The following FUCA2 variants were observed in gnomAD, a reference collection of about 807,000 sequenced individuals.
The protein encoded by FUCA2 is alpha-L-fucosidase 2, also known as plasma alpha-L-fucosidase.
A neutral mutation model predicts 52.6 loss-of-function variants in FUCA2; 41 were observed. The ratio of observed to expected loss-of-function variants is 0.78; its 90% CI spans 0.61 to 1.01. The LOEUF (loss-of-function observed/expected upper bound fraction) is 1.01, where lower values mean the gene tolerates loss of function less well. FUCA2 is among the 50% of genes least tolerant of loss of function. FUCA2 has a pLI of 0.00. For synonymous variants in FUCA2, 211 were observed against 217.3 expected, an observed-to-expected ratio of 0.97 and a Z score of 0.26; for missense variants, 507 against 569.5, an observed-to-expected ratio of 0.89 and a Z score of 1.12.
At position 143,507,209 on chromosome 6, in the gene FUCA2, G is replaced by T. The variant is rs567531074; in HGVS notation, c.412+28C>A. The T allele has an allele frequency of 1.3e-6, 2 of 1,542,952 alleles. No homozygotes were observed. Among genetic ancestry groups the T allele is most frequent in the African/African-American group, 1.4e-5 (1 of 70,122 alleles). On this transcript the variant is annotated intron_variant, in intron 2 of 6. Coordinates refer to ENST00000002165, the MANE Select transcript of FUCA2 (RefSeq NM_032020.5). This position sits in a 1 kb window ranked among gnomAD's most constrained non-coding sequence, Gnocchi z 4.5. ...ACTTTTCATTTCTTAACCATTGTCAGCAATTTCCATAGGCTGGATTGACTT... is the reference window on the plus strand; with the variant it reads ...ACTTTTCATTTCTTAACCATTGTCATCAATTTCCATAGGCTGGATTGACTT...
In FUCA2 at chr6:143,500,398, A is replaced by G. The variant is rs1315298484; in HGVS notation, c.1154+1534T>C. Reference sequence around the variant, plus strand: ...CTGGAGCCGTGGAAGGGGTTCAGTTATTGGTAATGCAAAGTCTAAAGTATG... The same window carrying G: ...CTGGAGCCGTGGAAGGGGTTCAGTTGTTGGTAATGCAAAGTCTAAAGTATG... On this transcript the variant is annotated intron_variant, in intron 5 of 6. Transcript: ENST00000002165. This position sits in a 1 kb window ranked among gnomAD's most constrained non-coding sequence, Gnocchi z 6.9. Among the ~76,000 whole-genome samples the G allele has an allele frequency of 6.6e-6, 1 of 152,172 alleles. No homozygotes were observed. The highest frequency in any genetic ancestry group is 1.5e-5 in the Non-Finnish European group (1 of 68,040).
At chr6:143,498,209 TACTC>T (rs1465253982) in intron 5 of FUCA2, among the ~76,000 whole-genome samples, 2 of 152,196 alleles carry the variant, frequency 1.3e-5, no homozygotes, top group East Asian at 1.9e-4. Context: ...TTCATTCAAT[TACTC>T]AAGAAATACT....
Position 143,503,797 on chromosome 6 carries a change from TC to T in FUCA2, c.752+115del, listed in dbSNP as rs1013828555. 2 of 731,700 alleles carry T rather than the reference TC, an allele frequency of 2.7e-6. No homozygotes were observed. Among genetic ancestry groups the T allele is most frequent in the Admixed American group, 3.0e-5 (1 of 33,876 alleles). 45.3% of individuals were successfully genotyped at this position (731,700 alleles called of 1,614,324 possible). On this transcript the variant is annotated intron_variant, in intron 3 of 6. Coordinates refer to ENST00000002165, the MANE Select transcript of FUCA2 (RefSeq NM_032020.5). This position sits in a 1 kb window ranked among gnomAD's most constrained non-coding sequence, Gnocchi z 4.8. ...ATAAGTATTATTTACAATGATTTTC[TC>T]CCCCCATACCACCAATGACTTAAAA...
At chr6:143,508,013 T>C (rs143786582) in intron 1 of FUCA2, among the ~76,000 whole-genome samples, 2 of 152,344 alleles carry the variant, frequency 1.3e-5, no homozygotes, top group African/African-American at 4.8e-5. Flanking sequence ...ACATGTAGTA[T>C]ATGTCTTTAC....
rs3060493 is a variant in FUCA2, at chr6:143,506,192, G to GTTTTTTTTTTT, written c.412+1034_412+1044dup. Reference sequence around the variant, plus strand: ...AGAAAACAATAAGGCAAAGTTTCCCGTTTTTTTTTTTTTTTTTTTTTGAGA... The same window carrying GTTTTTTTTTTT: ...AGAAAACAATAAGGCAAAGTTTCCCGTTTTTTTTTTTTTTTTTTTTTTTTTTTTTTTTGAGA... On this transcript the variant is annotated intron_variant, in intron 2 of 6. Transcript: ENST00000002165. The GTTTTTTTTTTT allele has an allele frequency of 4.8e-5, 6 of 125,814 alleles. 2 individuals carry two copies. The highest frequency in any genetic ancestry group is 5.0e-5 in the Non-Finnish European group (3 of 59,766). 7.8% of individuals were successfully genotyped at this position (125,814 alleles called of 1,614,324 possible). A position where few individuals can be genotyped will look rare whatever the true frequency, so the allele number is the denominator to read the frequency against.
In FUCA2 at chr6:143,503,020, C is replaced by G. The variant is rs1039592032; in HGVS notation, c.753-455G>C. 2 of 155,140 alleles carry G rather than the reference C, an allele frequency of 1.3e-5. No individual in the cohort carries two copies. The highest frequency in any genetic ancestry group is 4.8e-5 in the African/African-American group (2 of 41,398). 9.6% of individuals were successfully genotyped at this position (155,140 alleles called of 1,614,324 possible). Reference sequence around the variant, plus strand: ...CTTTCTTTTTCTCTTACCATTGTGCCTAATATTGAAAAATCTCAGAAAATT... The same window carrying G: ...CTTTCTTTTTCTCTTACCATTGTGCGTAATATTGAAAAATCTCAGAAAATT... On this transcript the variant is annotated intron_variant, in intron 3 of 6. Coordinates refer to ENST00000002165, the MANE Select transcript of FUCA2 (RefSeq NM_032020.5). The surrounding 1 kb of genome is among the most constrained non-coding windows in gnomAD (Gnocchi z 4.8).
rs1780664950 is a variant in FUCA2 at position 143,510,376 on chromosome 6, C to T, written c.224+1035G>A. Among the ~76,000 whole-genome samples, 1 of 151,986 alleles carries T rather than the reference C, an allele frequency of 6.6e-6. No individual in the cohort carries two copies. Among genetic ancestry groups the T allele is most frequent in the South Asian group, 2.1e-4 (1 of 4,822 alleles). The stretch of plus-strand genomic sequence containing the variant: ...TTTTACTTAAGAATATATTATGTGT[C>T]CCAAAGTCCTGGAATTACAGGTATG... On this transcript the variant is annotated intron_variant, in intron 1 of 6. Transcript: ENST00000002165. This position sits in a 1 kb window ranked among gnomAD's most constrained non-coding sequence, Gnocchi z 4.4.
chr6:143,501,946 G>A lies in FUCA2; in HGVS notation c.1140C>T (p.Val380=), dbSNP rs895701111. The part of the protein sequence containing the change: ...THTWRSQNDT[V]TPDVWYTSKP... Reference sequence around the variant, plus strand: ...GAATGACTTACCACACATCTGGGGTGACAGTGTCATTCTGGGATCGCCAGG... The same window carrying A: ...GAATGACTTACCACACATCTGGGGTAACAGTGTCATTCTGGGATCGCCAGG... The change falls in exon 5 of 7, where the codon GTC becomes GTT. Residue 380 remains valine, a synonymous_variant. Transcript: ENST00000002165. The surrounding 1 kb of genome is among the most constrained non-coding windows in gnomAD (Gnocchi z 6.1). 2 of 1,613,438 alleles carry A rather than the reference G, an allele frequency of 1.2e-6. No homozygotes were observed. The highest frequency in any genetic ancestry group is 1.7e-6 in the Non-Finnish European group (2 of 1,179,612).
In FUCA2 at chr6:143,503,969, T is replaced by C. The variant is rs760780192; in HGVS notation, c.696A>G (p.Gly232=). Residue 232 remains glycine, a synonymous_variant, in exon 3 of 7, where the codon GGA becomes GGG. Transcript: ENST00000002165. This position sits in a 1 kb window ranked among gnomAD's most constrained non-coding sequence, Gnocchi z 4.8. The part of the protein sequence containing the change: ...PEVLWSDGDG[G]APDQYWNSTG... The stretch of plus-strand genomic sequence containing the variant: ...TGCTGTTCCAGTATTGATCCGGTGC[T>C]CCTCCGTCACCATCCGACCACAGAA... The C allele has an allele frequency of 6.2e-7, 1 of 1,614,180 alleles. No individual in the cohort carries two copies. Among genetic ancestry groups the C allele is most frequent in the Non-Finnish European group, 8.5e-7 (1 of 1,180,032 alleles).
chr6:143,504,071 T>G lies in FUCA2; in HGVS notation c.594A>C (p.Ser198=). The G allele has an allele frequency of 5.0e-6, 8 of 1,614,212 alleles. No homozygotes were observed. Among genetic ancestry groups the G allele is most frequent in the Non-Finnish European group, 6.8e-6 (8 of 1,180,034 alleles). Residue 198 remains serine, a synonymous_variant, in exon 3 of 7, where the codon TCA becomes TCC. Coordinates refer to ENST00000002165, the MANE Select transcript of FUCA2 (RefSeq NM_032020.5). The surrounding 1 kb of genome is among the most constrained non-coding windows in gnomAD (Gnocchi z 4.4). ...HPLFLEDESS[S]FHKRQFPVSK... is the part of the protein sequence containing the mutation. ...AAACTGGAAATTGCCGCTTATGGAA[T>G]GAACTGGATTCATCCTCAAGGAAGA...
intron 6 of FUCA2, chr6:143,496,786 G>A (rs1780465911): frequency 6.6e-6 from 1 of 152,124 alleles, no homozygotes; most frequent in South Asian, 2.1e-4. Context: ...CCGAATTCTA[G>A]TTTTATGAGA....
chr6:143,507,312 T>TA lies in FUCA2; in HGVS notation c.336dup (p.Asn113Ter). On this transcript the variant is annotated frameshift_variant, in exon 2 of 7. Transcript: ENST00000002165. LOFTEE classifies it high-confidence loss of function. This position sits in a 1 kb window ranked among gnomAD's most constrained non-coding sequence, Gnocchi z 4.5. ...AAAATATCTGCCCACTGGTTGGCAT[T>TA]AAAAAATTTTGCTGTAAATAGTGGT... 6.2e-7 allele frequency: 1 copy of TA among 1,609,492 alleles called. No individual in the cohort carries two copies. The highest frequency in any genetic ancestry group is 2.2e-5 in the East Asian group (1 of 44,582).
chr6:143,511,655 T>C lies in FUCA2; in HGVS notation c.-21A>G. 1 of 1,483,340 alleles carries C rather than the reference T, an allele frequency of 6.7e-7. No individual in the cohort carries two copies. Among genetic ancestry groups the C allele is most frequent in the Non-Finnish European group, 8.9e-7 (1 of 1,117,524 alleles). The allele number at this position is 1,483,340 out of a possible 1,614,324, so 91.9% of individuals were successfully genotyped here. On this transcript the variant is annotated 5_prime_UTR_variant, in exon 1 of 7. Coordinates refer to ENST00000002165, the MANE Select transcript of FUCA2 (RefSeq NM_032020.5). This position sits in a 1 kb window ranked among gnomAD's most constrained non-coding sequence, Gnocchi z 6.3. The stretch of plus-strand genomic sequence containing the variant: ...CGCATGTCCCGGCGCAGGCCGGCTG[T>C]CCTCTCTGCAGGCTCCCGCGGCCTC...
In FUCA2 at chr6:143,510,727, A is replaced by G. The variant is rs981527979; in HGVS notation, c.224+684T>C. Among the ~76,000 whole-genome samples the G allele has an allele frequency of 8.5e-5, 13 of 152,136 alleles. No individual in the cohort carries two copies. The highest frequency in any genetic ancestry group is 1.6e-4 in the Non-Finnish European group (11 of 68,030). ...TTTTGAAGGACTTAATACTTGTAGC[A>G]TTTAGTCAGAAAAGACATGTGCAAC... On this transcript the variant is annotated intron_variant, in intron 1 of 6. Coordinates refer to ENST00000002165, the MANE Select transcript of FUCA2 (RefSeq NM_032020.5). The surrounding 1 kb of genome is among the most constrained non-coding windows in gnomAD (Gnocchi z 4.4).
rs1005917415 is a variant in FUCA2, at chr6:143,495,449, G to GA, written c.*257dup. 2 of 364,996 alleles carry GA rather than the reference G, an allele frequency of 5.5e-6. No individual in the cohort carries two copies. The highest frequency in any genetic ancestry group is 4.2e-5 in the Admixed American group (1 of 23,750). The allele number at this position is 364,996 out of a possible 1,614,324, so 22.6% of individuals were successfully genotyped here. The stretch of plus-strand genomic sequence containing the variant: ...CACCAATTCCTTGCTACTATAATGT[G>GA]AAAAAATTCTCACCTCTGAGTCACA... On this transcript the variant is annotated 3_prime_UTR_variant, in exon 7 of 7. Transcript: ENST00000002165. This position sits in a 1 kb window ranked among gnomAD's most constrained non-coding sequence, Gnocchi z 5.2.
rs1562665584 is a variant in FUCA2 at position 143,504,518 on chromosome 6, C to G, written c.413-266G>C. On this transcript the variant is annotated intron_variant, in intron 2 of 6. Transcript: ENST00000002165. This position sits in a 1 kb window ranked among gnomAD's most constrained non-coding sequence, Gnocchi z 4.4. The stretch of plus-strand genomic sequence containing the variant: ...CTGATCTATCTCCAGTATTTTCCCT[C>G]TTAGATTTTAAGGTCCTTAAGGGAT... The G allele has an allele frequency of 2.6e-6, 1 of 391,462 alleles. No individual in the cohort carries two copies. The highest frequency in any genetic ancestry group is 2.0e-5 in the African/African-American group (1 of 49,030). 24.2% of individuals were successfully genotyped at this position (391,462 alleles called of 1,614,324 possible). A position where few individuals can be genotyped will look rare whatever the true frequency, so the allele number is the denominator to read the frequency against.
chr6:143,507,170 C>A lies in FUCA2; in HGVS notation c.412+67G>T. 6.8e-7 allele frequency: 1 copy of A among 1,468,174 alleles called. No homozygotes were observed. The highest frequency in any genetic ancestry group is 1.4e-5 in the African/African-American group (1 of 68,990). The allele number at this position is 1,468,174 out of a possible 1,614,324, so 90.9% of individuals were successfully genotyped here. A position where few individuals can be genotyped will look rare whatever the true frequency, so the allele number is the denominator to read the frequency against. ...AAATTAGACCTTGCTTTAGTTTTTT[C>A]TTCCAAAAGAACAACTTTTCATTTC... On this transcript the variant is annotated intron_variant, in intron 2 of 6. Coordinates refer to ENST00000002165, the MANE Select transcript of FUCA2 (RefSeq NM_032020.5). The surrounding 1 kb of genome is among the most constrained non-coding windows in gnomAD (Gnocchi z 4.5).
At position 143,501,759 on chromosome 6, in the gene FUCA2, AAC is replaced by A. The variant is rs1196015248; in HGVS notation, c.1154+171_1154+172del. Among the ~76,000 whole-genome samples the A allele has an allele frequency of 6.6e-6, 1 of 152,256 alleles. No homozygotes were observed. The highest frequency in any genetic ancestry group is 2.4e-5 in the African/African-American group (1 of 41,472). ...ATCTGATAAACAATAAATGTTTCAA[AAC>A]ATGCAAATTCTTCCCCTTCTCTTTA... On this transcript the variant is annotated intron_variant, in intron 5 of 6. Transcript: ENST00000002165. This position sits in a 1 kb window ranked among gnomAD's most constrained non-coding sequence, Gnocchi z 6.1.
rs1207348954 is a variant in FUCA2 at position 143,504,932 on chromosome 6, A to T, written c.413-680T>A. The T allele has an allele frequency of 6.6e-6, 1 of 152,234 alleles. No homozygotes were observed. Among genetic ancestry groups the T allele is most frequent in the African/African-American group, 2.4e-5 (1 of 41,460 alleles). The allele number at this position is 152,234 out of a possible 1,614,324, so 9.4% of individuals were successfully genotyped here. On this transcript the variant is annotated intron_variant, in intron 2 of 6. Transcript: ENST00000002165. This position sits in a 1 kb window ranked among gnomAD's most constrained non-coding sequence, Gnocchi z 4.4. ...ACCACGTGTAATCTCATCCTACTAT[A>T]AAATCATAAGCTTGGATGTTCCTCT... is the stretch of plus-strand genomic sequence containing the variant.
Sources: gnomAD v4.1 joint callset for allele counts (sites outside exome capture counted in the v4.1 genomes callset) on GRCh38, gnomAD v4.1.1 for gene constraint, Gnocchi (gnomAD v3.1) non-coding constraint, MANE v1.5 for transcripts, NCBI Gene and HGNC (gene_info 2026-07-23, HGNC 2026-07-21) for gene names.